The following ZNF71 variants were observed in gnomAD, a reference collection of about 807,000 sequenced individuals.
The protein encoded by ZNF71 is endothelial zinc finger protein induced by tumor necrosis factor alpha.
ZNF71 carries 3 observed loss-of-function variants against 6.7 expected under a neutral mutation model. The observed-to-expected ratio is 0.45, with a 90% CI of 0.20 to 1.16. ZNF71 has a LOEUF of 1.16. Ranked by LOEUF, ZNF71 falls within the 50% of genes most tolerant of loss-of-function variation. The pLI is 0.25. For missense variants in ZNF71, 688 were observed against 728.6 expected, an observed-to-expected ratio of 0.94 and a Z score of 0.64; for synonymous variants, 343 against 311.1, an observed-to-expected ratio of 1.10 and a Z score of -1.08.
chr19:56,614,021 C>G (rs1370566317), intron 3 of ZNF71, 83 bp downstream of exon 3: 13 of 985,476 alleles, frequency 1.3e-5, no homozygotes, highest in Non-Finnish European at 1.6e-5. Flanking sequence ...AAAAGATCAA[C>G]AGATCTGACT....
chr19:56,612,424 C>G (rs114877462), intron 2 of ZNF71, among the ~76,000 whole-genome samples: 14,809 of 152,066 alleles, frequency 0.097, 827 homozygotes, highest in African/African-American at 0.12. Context: ...CACACACATA[C>G]CATGGAATAC....
intron 3 of ZNF71, among the ~76,000 whole-genome samples, chr19:56,620,244 AG>A (rs975634161): frequency 6.6e-6 from 1 of 152,152 alleles, no homozygotes; most frequent in African/African-American, 2.4e-5. Context: ...AGCCCCAGCC[AG>A]GGGAGAGGAT....
At position 56,603,774 on chromosome 19, in the gene ZNF71, T is replaced by C. The variant is rs997556597; in HGVS notation, c.33+2183T>C. Among the ~76,000 whole-genome samples, 1 of 148,214 alleles carries C rather than the reference T, an allele frequency of 6.7e-6. No homozygotes were observed. The highest frequency in any genetic ancestry group is 2.5e-5 in the African/African-American group (1 of 39,594). On this transcript the variant is annotated intron_variant, in intron 2 of 3. Coordinates refer to ENST00000599599, the MANE Select transcript of ZNF71 (RefSeq NM_001370215.1). This position sits in a 1 kb window ranked among gnomAD's most constrained non-coding sequence, Gnocchi z 4.6. ...TTTTATTTCAACAGGGTTGGGAGTT[T>C]TGGTTTAAGTTTTTTTTTTTTTTAA...
At chr19:56,597,403 ATAAT>A (rs1370201485) in intron 1 of ZNF71, among the ~76,000 whole-genome samples, 3 of 152,244 alleles carry the variant, frequency 2.0e-5, no homozygotes, top group Non-Finnish European at 4.4e-5. Flanking sequence ...GAAAGAAAAA[ATAAT>A]TAATAACTTC....
chr19:56,617,107 CTTTTGTTTTT>C (rs900811935), intron 3 of ZNF71, among the ~76,000 whole-genome samples: 1 of 117,096 alleles, frequency 8.5e-6, no homozygotes. Context: ...CTTCCATTTT[CTTTTGTTTTT>C]TTTTGTTTTT....
At position 56,622,742 on chromosome 19, in the gene ZNF71, G is replaced by T. The variant is rs569502405; in HGVS notation, c.1635G>T (p.Leu545=). 2.5e-6 allele frequency: 4 copies of T among 1,603,424 alleles called. No individual in the cohort carries two copies. In the East Asian group the frequency reaches 8.9e-5, roughly 36 times the overall value. ...FSRNTNLTRH[L]RIHT is the part of the protein sequence containing the mutation. ...GCAACACGAACCTGACGCGCCACCT[G>T]CGGATTCACACCTGAGCGCCTCTGT... is the stretch of plus-strand genomic sequence containing the variant. The change falls in exon 4 of 4, where the codon CTG becomes CTT. Residue 545 remains leucine (L), a synonymous_variant. Coordinates refer to ENST00000599599, the MANE Select transcript of ZNF71 (RefSeq NM_001370215.1).
At chr19:56,606,335 T>C (rs11879094) in intron 2 of ZNF71, among the ~76,000 whole-genome samples, 12,465 of 152,166 alleles carry the variant, frequency 0.082, 1,633 homozygotes, top group African/African-American at 0.28. Context: ...TAGAATATGT[T>C]AGAATATGTA....
At chr19:56,615,640 G>T (rs1404700296) in intron 3 of ZNF71, among the ~76,000 whole-genome samples, 1 of 150,662 alleles carries the variant, frequency 6.6e-6, no homozygotes, top group Non-Finnish European at 1.5e-5. Context: ...AGTCCAATGC[G>T]CTATCCATTG....
Position 56,622,796 on chromosome 19 carries a change from C to T in ZNF71, c.*39C>T, listed in dbSNP as rs776488975. 1.3e-6 allele frequency: 2 copies of T among 1,553,566 alleles called. No individual in the cohort carries two copies. The highest frequency in any genetic ancestry group is 1.2e-5 in the South Asian group (1 of 81,202). On this transcript the variant is annotated 3_prime_UTR_variant, in exon 4 of 4. Transcript: ENST00000599599. ...GGGCTCTCACTGGCGGTGCCCAGGA[C>T]GGACGCCAGATGGCTGCGCGCTTTG... is the stretch of plus-strand genomic sequence containing the variant.
rs192090479 is a variant in ZNF71 at position 56,605,708 on chromosome 19, G to A, written c.33+4117G>A. Among the ~76,000 whole-genome samples, 861 of 152,302 alleles carry A rather than the reference G, an allele frequency of 5.7e-3. 33 individuals are homozygous for A. The highest frequency in any genetic ancestry group is 0.052 in the Admixed American group (802 of 15,298). On this transcript the variant is annotated intron_variant, in intron 2 of 3. Transcript: ENST00000599599. ...GTGCAGGCCTTCATCACACTAGGGA[G>A]GAGGTCGACTGTCAAGCACCATCTC...
In ZNF71 at chr19:56,613,178, G is replaced by T. The variant is rs1011821942; in HGVS notation, c.34-634G>T. On this transcript the variant is annotated intron_variant, in intron 2 of 3. Transcript: ENST00000599599. The surrounding 1 kb of genome is among the most constrained non-coding windows in gnomAD (Gnocchi z 4.6). Reference sequence around the variant, plus strand: ...CAGTCTCATCTGCCTTTTCACCTTCGGGTCTTGATCCAAGCTCTCTTCCCT... The same window carrying T: ...CAGTCTCATCTGCCTTTTCACCTTCTGGTCTTGATCCAAGCTCTCTTCCCT... Among the ~76,000 whole-genome samples the T allele has an allele frequency of 6.6e-6, 1 of 151,974 alleles. No individual in the cohort carries two copies. The highest frequency in any genetic ancestry group is 2.4e-5 in the African/African-American group (1 of 41,364).
At chr19:56,621,200 G>A (rs2044842545) in intron 3 of ZNF71, 68 bp from the exon 4 acceptor site, 1 of 1,479,198 alleles carries the variant, frequency 6.8e-7, no homozygotes, top group Admixed American at 2.4e-5. Context: ...CCTTCCTGCT[G>A]TGGAGCTTCC....
At chr19:56,596,077 T>G (rs1600579674) in intron 1 of ZNF71, among the ~76,000 whole-genome samples, 3 of 152,100 alleles carry the variant, frequency 2.0e-5, no homozygotes, top group African/African-American at 7.2e-5. Context: ...TGTGGTGATA[T>G]CTCTGAGTGA....
chr19:56,595,798 G>A (rs77926443), intron 1 of ZNF71, among the ~76,000 whole-genome samples: 1 of 151,672 alleles, frequency 6.6e-6, no homozygotes, highest in South Asian at 2.1e-4. Flanking sequence ...GAGACAGATT[G>A]TGTCGTCCTG....
chr19:56,604,011 A>G (rs1212624887), intron 2 of ZNF71, among the ~76,000 whole-genome samples: 1 of 152,160 alleles, frequency 6.6e-6, no homozygotes, highest in Non-Finnish European at 1.5e-5. Flanking sequence ...CAGACCTGGA[A>G]GGCTGTGTTC....
Position 56,621,575 on chromosome 19 carries a change from C to T in ZNF71, c.468C>T (p.Pro156=). Residue 156 remains proline (P), a synonymous_variant, in exon 4 of 4, where the codon CCC becomes CCT. Transcript: ENST00000599599. ...TGGTCCCACCACGGCTGGACGACCC[C>T]ACAGAAAAGGGGGCCTGTCCACCCG... ...CVLVPPRLDD[P]TEKGACPPVR... 6.2e-7 allele frequency: 1 copy of T among 1,614,216 alleles called. No homozygotes were observed. The highest frequency in any genetic ancestry group is 8.5e-7 in the Non-Finnish European group (1 of 1,180,042).
chr19:56,620,281 C>A (rs2044833537), intron 3 of ZNF71, among the ~76,000 whole-genome samples: 1 of 152,116 alleles, frequency 6.6e-6, no homozygotes, highest in African/African-American at 2.4e-5. Flanking sequence ...CCTGGGGCAG[C>A]CATACCAGAG....
In ZNF71 at chr19:56,621,497, C is replaced by T. The variant is rs774147301; in HGVS notation, c.390C>T (p.Gly130=). The part of the protein sequence containing the change: ...GIPQGNKLLG[G]SVPACHELKA... ...CCCAGGGGAACAAACTCTTAGGGGG[C>T]TCAGTACCCGCATGTCATGAACTGA... is the stretch of plus-strand genomic sequence containing the variant. Residue 130 remains glycine (G), a synonymous_variant, in exon 4 of 4, where the codon GGC becomes GGT. Transcript: ENST00000599599. 3.1e-6 allele frequency: 5 copies of T among 1,614,018 alleles called. No individual in the cohort carries two copies. The highest frequency in any genetic ancestry group is 1.3e-5 in the African/African-American group (1 of 74,914).
At chr19:56,612,763 C>T (rs1336360634) in intron 2 of ZNF71, among the ~76,000 whole-genome samples, 1 of 152,090 alleles carries the variant, frequency 6.6e-6, no homozygotes, top group Non-Finnish European at 1.5e-5. Context: ...TACCTGTACC[C>T]CTAAAGCTAT....
Sources: gnomAD v4.1 joint callset for allele counts (sites outside exome capture counted in the v4.1 genomes callset) on GRCh38, gnomAD v4.1.1 for gene constraint, Gnocchi (gnomAD v3.1) non-coding constraint, MANE v1.5 for transcripts, NCBI Gene and HGNC (gene_info 2026-07-23, HGNC 2026-07-21) for gene names.